The following HTR4 variants were observed in gnomAD, a reference collection of about 807,000 sequenced individuals.
HTR4 encodes 5-hydroxytryptamine receptor 4.
Under a neutral mutation model 36.8 loss-of-function variants are expected in HTR4, and 16 were observed. That is an observed-to-expected ratio of 0.43 (90% CI 0.29 to 0.66). The LOEUF (loss-of-function observed/expected upper bound fraction) is 0.66. Ranked by LOEUF, HTR4 falls within the 30% of genes least tolerant of loss-of-function variation. HTR4 has a pLI of 0.13. For synonymous variants in HTR4, 189 were observed against 185.1 expected, an observed-to-expected ratio of 1.02 and a Z score of -0.17; for missense variants, 438 against 490.9, an observed-to-expected ratio of 0.89 and a Z score of 1.02.
intron 6 of HTR4, among the ~76,000 whole-genome samples, chr5:148,508,068 A>C (rs1757308647): frequency 6.6e-6 from 1 of 152,196 alleles, no homozygotes; most frequent in Admixed American, 6.5e-5. Flanking sequence ...GTAGCAAAAA[A>C]TGGAATTCAT....
downstream of HTR4, among the ~76,000 whole-genome samples, chr5:148,472,964 T>A (rs1433514067): frequency 6.6e-6 from 1 of 152,138 alleles, no homozygotes; most frequent in East Asian, 1.9e-4. Flanking sequence ...TGTGTGATTT[T>A]AAAAACATCA....
chr5:148,533,989 A>AT (rs1758694290), intron 4 of HTR4, among the ~76,000 whole-genome samples: 1 of 152,348 alleles, frequency 6.6e-6, no homozygotes. Context: ...GATTCTAAGA[A>AT]ATATAAAGGT....
chr5:148,618,575 C>T (rs1752794402), intron 2 of HTR4, among the ~76,000 whole-genome samples: 1 of 152,192 alleles, frequency 6.6e-6, no homozygotes, highest in Admixed American at 6.5e-5. Flanking sequence ...ATAACTCTCT[C>T]CCCTCGGCCC....
rs943621975 is a variant in HTR4, at chr5:148,600,688, G to A, written c.26+36301C>T. On this transcript the variant is annotated intron_variant, in intron 2 of 6. Transcript: ENST00000377888. ...AACCAGTGAGGCAAAAGATCCGTACGCTGACAACAAAAACCAGTAATGGAA... is the reference window on the plus strand; with the variant it reads ...AACCAGTGAGGCAAAAGATCCGTACACTGACAACAAAAACCAGTAATGGAA... 2.6e-5 allele frequency among the ~76,000 whole-genome samples: 4 copies of A among 151,612 alleles called. No individual in the cohort carries two copies. The East Asian group carries it at 5.8e-4, about 22-fold the overall frequency.
intron 5 of HTR4, among the ~76,000 whole-genome samples, chr5:148,522,522 A>G (rs908041529): frequency 6.6e-6 from 1 of 152,214 alleles, no homozygotes; most frequent in Admixed American, 6.5e-5. Flanking sequence ...TCAAGATTAT[A>G]TATAAAGTAT....
chr5:148,637,035 G>C lies in HTR4; in HGVS notation c.-21C>G. On this transcript the variant is annotated 5_prime_UTR_variant, in exon 2 of 7. Coordinates refer to ENST00000377888, the MANE Select transcript of HTR4 (RefSeq NM_000870.7). ...TCCATTACAGGAAATAAGCATGAGTGAGTTGGATTTCAATGCCCACAGGGT... is the reference window on the plus strand; with the variant it reads ...TCCATTACAGGAAATAAGCATGAGTCAGTTGGATTTCAATGCCCACAGGGT... The C allele has an allele frequency of 6.2e-7, 1 of 1,610,392 alleles. No homozygotes were observed. The highest frequency in any genetic ancestry group is 8.5e-7 in the Non-Finnish European group (1 of 1,177,014).
At chr5:148,473,207 G>A (rs778321763), downstream of HTR4, among the ~76,000 whole-genome samples, 1 of 151,820 alleles carries the variant, frequency 6.6e-6, no homozygotes, top group Non-Finnish European at 1.5e-5. Flanking sequence ...GCTGAGGCAG[G>A]GGATGGCGTG....
At chr5:148,504,987 T>C (rs1198963548) in intron 6 of HTR4, among the ~76,000 whole-genome samples, 3 of 152,152 alleles carry the variant, frequency 2.0e-5, no homozygotes, top group Admixed American at 1.3e-4. Flanking sequence ...GGTTCTGAAA[T>C]TGAGGCAGTA....
At chr5:148,536,086 A>C (rs564263226) in intron 4 of HTR4, among the ~76,000 whole-genome samples, 14 of 152,300 alleles carry the variant, frequency 9.2e-5, no homozygotes, top group African/African-American at 3.4e-4. Context: ...CCTATAATCA[A>C]CATTCTTAAA....
chr5:148,467,140 A>C (rs1170200433), intron 5 of HTR4, among the ~76,000 whole-genome samples: 1 of 152,240 alleles, frequency 6.6e-6, no homozygotes, highest in African/African-American at 2.4e-5. Flanking sequence ...ATTTTAGTGC[A>C]CAAAGGGTAG....
At chr5:148,572,877 T>G (rs1297174969) in intron 2 of HTR4, among the ~76,000 whole-genome samples, 1 of 152,080 alleles carries the variant, frequency 6.6e-6, no homozygotes, top group Admixed American at 6.6e-5. Flanking sequence ...AAAGATATCG[T>G]GAATGCTAAA....
intron 2 of HTR4, among the ~76,000 whole-genome samples, chr5:148,555,136 G>A (rs1759885814): frequency 6.6e-6 from 1 of 152,040 alleles, no homozygotes; most frequent in Non-Finnish European, 1.5e-5. Flanking sequence ...TCCTATATTG[G>A]GGGCAGGCTG....
intron 4 of HTR4, among the ~76,000 whole-genome samples, chr5:148,526,182 T>C (rs1758267848): frequency 6.6e-6 from 1 of 152,226 alleles, no homozygotes; most frequent in Non-Finnish European, 1.5e-5. Flanking sequence ...GTGTGGTACC[T>C]GTTATGACAG....
intron 2 of HTR4, among the ~76,000 whole-genome samples, chr5:148,567,321 A>AT (rs1232759180): frequency 6.6e-6 from 1 of 152,154 alleles, no homozygotes; most frequent in Admixed American, 6.6e-5. Flanking sequence ...GCAAGCCACT[A>AT]TTATCTCTAA....
chr5:148,609,747 T>A (rs890925035), intron 2 of HTR4, among the ~76,000 whole-genome samples: 1 of 151,944 alleles, frequency 6.6e-6, no homozygotes, highest in African/African-American at 2.4e-5. Flanking sequence ...TTGCATTTTT[T>A]AGTAGAGACG....
intron 5 of HTR4, among the ~76,000 whole-genome samples, chr5:148,467,444 T>C (rs918465082): frequency 2.0e-5 from 3 of 152,164 alleles, no homozygotes; most frequent in Admixed American, 2.0e-4. Flanking sequence ...GTAGATAATA[T>C]AGACATGTCT....
intron 2 of HTR4, among the ~76,000 whole-genome samples, chr5:148,610,438 G>A (rs1038468129): frequency 6.7e-4 from 102 of 152,204 alleles, no homozygotes; most frequent in African/African-American, 2.4e-3. Flanking sequence ...ACACTGCAGG[G>A]TACTCCAACA....
intron 2 of HTR4, among the ~76,000 whole-genome samples, chr5:148,595,491 C>A (rs1231491396): frequency 6.6e-6 from 1 of 152,152 alleles, no homozygotes; most frequent in Non-Finnish European, 1.5e-5. Context: ...GCACCCAGGA[C>A]ACAGGACACA....
intron 6 of HTR4, among the ~76,000 whole-genome samples, chr5:148,501,619 C>T (rs565785468): frequency 1.2e-4 from 18 of 152,264 alleles, no homozygotes; most frequent in African/African-American, 2.9e-4. Context: ...ATTTGGTATA[C>T]GGCAGTGAAT....
Sources: gnomAD v4.1 joint callset for allele counts (sites outside exome capture counted in the v4.1 genomes callset) on GRCh38, gnomAD v4.1.1 for gene constraint, MANE v1.5 for transcripts, NCBI Gene and HGNC (gene_info 2026-07-23, HGNC 2026-07-21) for gene names.